The following PREX2 variants were observed in gnomAD, a reference collection of about 807,000 sequenced individuals.
PREX2 encodes phosphatidylinositol 3,4,5-trisphosphate-dependent Rac exchanger 2 protein.
PREX2 carries 107 observed loss-of-function variants against 203.2 expected under a neutral mutation model. The ratio of observed to expected loss-of-function variants is 0.53; its 90% confidence interval spans 0.45 to 0.62. The LOEUF (loss-of-function observed/expected upper bound fraction) is 0.62, where lower values mean the gene tolerates loss of function less well. PREX2 is among the 20% of genes least tolerant of loss of function. The pLI, the probability that PREX2 is intolerant of heterozygous loss-of-function variation, is 0.00. For missense variants in PREX2, 1,777 were observed against 1,955.9 expected (o/e 0.91, Z 1.72); for synonymous variants, 672 against 663.6 (o/e 1.01, Z -0.19).
At chr8:68,039,907 T>G (rs1808144338) in intron 7 of PREX2, among the ~76,000 whole-genome samples, 1 of 152,174 alleles carries the variant, frequency 6.6e-6, no homozygotes, top group Admixed American at 6.6e-5. Context: ...ATATCTTTTC[T>G]TATGCCTCCA....
At chr8:68,000,047 A>G (rs1001758831) in intron 1 of PREX2, among the ~76,000 whole-genome samples, 3 of 152,178 alleles carry the variant, frequency 2.0e-5, no homozygotes, top group African/African-American at 7.2e-5. Context: ...TTGCCTTGAA[A>G]ACTGGCACAA....
At position 68,127,373 on chromosome 8, in the gene PREX2, T is replaced by C; in HGVS notation, c.3725-5T>C. On this transcript the variant is annotated splice_region_variant and splice_polypyrimidine_tract_variant and intron_variant, in intron 30 of 39. Transcript: ENST00000288368. ...AATTAACTGATGTGTTTTCTTTCTC[T>C]GCAGAGGTAAAGTGTAGGCTACTCC... 1.2e-6 allele frequency: 2 copies of C among 1,602,212 alleles called. No homozygotes were observed. Among genetic ancestry groups the C allele is most frequent in the East Asian group, 4.5e-5 (2 of 44,596 alleles).
chr8:67,994,612 T>G (rs929909758), intron 1 of PREX2, among the ~76,000 whole-genome samples: 4 of 152,196 alleles, frequency 2.6e-5, no homozygotes, highest in African/African-American at 9.7e-5. Flanking sequence ...GAAAGTTATA[T>G]CCTAAGAATT....
intron 1 of PREX2, among the ~76,000 whole-genome samples, chr8:67,993,926 ATGTT>A (rs1806685445): frequency 6.6e-6 from 1 of 152,220 alleles, no homozygotes; most frequent in Non-Finnish European, 1.5e-5. Context: ...GATAGGTTGA[ATGTT>A]TGTAAACAGG....
At position 68,019,644 on chromosome 8, in the gene PREX2, A is replaced by G. The variant is rs755381473; in HGVS notation, c.309A>G (p.Gln103=). 5.0e-6 allele frequency: 8 copies of G among 1,612,168 alleles called. No individual in the cohort carries two copies. The highest frequency in any genetic ancestry group is 5.9e-6 in the Non-Finnish European group (7 of 1,179,468). The stretch of plus-strand genomic sequence containing the variant: ...TACACCCCGAACCTAATGCTCAACA[A>G]GAAGTGGGAACCTGCTTTCTTCACT... ...ECLHPEPNAQ[Q]EVGTCFLHFK... Residue 103 remains glutamine (Q), a synonymous_variant, in exon 3 of 40, where the codon CAA becomes CAG. Coordinates refer to ENST00000288368, the MANE Select transcript of PREX2 (RefSeq NM_024870.4).
intron 34 of PREX2, among the ~76,000 whole-genome samples, chr8:68,151,930 A>G (rs956384006): frequency 6.7e-6 from 1 of 150,366 alleles, no homozygotes; most frequent in African/African-American, 2.5e-5. Flanking sequence ...TGTTATAAAC[A>G]TTGTCATTTT....
intron 1 of PREX2, among the ~76,000 whole-genome samples, chr8:67,958,353 C>T (rs1270704602): frequency 1.3e-5 from 2 of 152,272 alleles, no homozygotes; most frequent in Non-Finnish European, 2.9e-5. Context: ...ATGTGCTATA[C>T]TGGGAGAATT....
At chr8:68,046,037 A>G (rs1451218399) in intron 8 of PREX2, among the ~76,000 whole-genome samples, 1 of 152,048 alleles carries the variant, frequency 6.6e-6, no homozygotes, top group Non-Finnish European at 1.5e-5. Context: ...TAAAAGAAGA[A>G]CACTAAAAAC....
At chr8:68,101,000 A>G (rs997290629) in intron 23 of PREX2, among the ~76,000 whole-genome samples, 4 of 152,204 alleles carry the variant, frequency 2.6e-5, no homozygotes, top group African/African-American at 7.2e-5. Context: ...ATGGGAATTC[A>G]TCTCCAAAAC....
chr8:68,141,202 C>T (rs7831336), intron 33 of PREX2, among the ~76,000 whole-genome samples: 1 of 152,030 alleles, frequency 6.6e-6, no homozygotes, highest in Non-Finnish European at 1.5e-5. Context: ...TCTATAATTA[C>T]ATTTATTTTG....
intron 35 of PREX2, 84 bp from the exon 36 acceptor site, chr8:68,191,638 A>C: frequency 2.0e-6 from 2 of 979,246 alleles, no homozygotes; most frequent in East Asian, 2.4e-5. Context: ...TTTTTAAAAA[A>C]AAGTCAGTGA....
chr8:68,076,517 G>C (rs1219074152), intron 14 of PREX2, among the ~76,000 whole-genome samples: 1 of 151,948 alleles, frequency 6.6e-6, no homozygotes, highest in Non-Finnish European at 1.5e-5. Flanking sequence ...ATTTAGAAGG[G>C]AGAAGAAGAA....
intron 1 of PREX2, among the ~76,000 whole-genome samples, chr8:67,966,579 T>C (rs991509480): frequency 6.6e-6 from 1 of 152,054 alleles, no homozygotes; most frequent in Non-Finnish European, 1.5e-5. Flanking sequence ...CTGGGCAACA[T>C]GGTGAGACCT....
intron 31 of PREX2, among the ~76,000 whole-genome samples, chr8:68,133,042 T>G (rs1811039200): frequency 6.6e-6 from 1 of 152,136 alleles, no homozygotes; most frequent in African/African-American, 2.4e-5. Flanking sequence ...GAAAGAAGTT[T>G]AATTGACTCA....
chr8:67,970,854 G>A (rs1313177748), intron 1 of PREX2, among the ~76,000 whole-genome samples: 1 of 152,156 alleles, frequency 6.6e-6, no homozygotes, highest in Admixed American at 6.6e-5. Context: ...GGTGCTATGT[G>A]CAGCTGTTTT....
At chr8:68,072,247 A>G (rs1369034803) in intron 13 of PREX2, among the ~76,000 whole-genome samples, 1 of 152,172 alleles carries the variant, frequency 6.6e-6, no homozygotes, top group Non-Finnish European at 1.5e-5. Context: ...ATGTGAAAGA[A>G]GAGATGTCCT....
chr8:67,989,641 A>G (rs1806540311), intron 1 of PREX2, among the ~76,000 whole-genome samples: 1 of 152,226 alleles, frequency 6.6e-6, no homozygotes, highest in Non-Finnish European at 1.5e-5. Flanking sequence ...TTATGACTTT[A>G]CCTTAGCGAT....
chr8:68,116,498 C>T (rs1810662070), intron 26 of PREX2, among the ~76,000 whole-genome samples: 1 of 152,164 alleles, frequency 6.6e-6, no homozygotes, highest in East Asian at 1.9e-4. Context: ...TATTATCACA[C>T]AGTTCTGGAG....
At chr8:68,007,464 T>A (rs7835699) in intron 1 of PREX2, among the ~76,000 whole-genome samples, 67,732 of 152,158 alleles carry the variant, frequency 0.45, 18,776 homozygotes, top group African/African-American at 0.79. Context: ...TGATGTAAAA[T>A]AGAATGGTTC....
Sources: allele counts gnomAD v4.1 joint callset (sites outside exome capture counted in the v4.1 genomes callset), GRCh38; gene constraint gnomAD v4.1.1; transcripts MANE v1.5; gene names NCBI Gene and HGNC (gene_info 2026-07-23, HGNC 2026-07-21).